Variants in KIAA0825 observed in about 807,000 individuals in gnomAD.
KIAA0825 encodes uncharacterized protein KIAA0825.
In KIAA0825, 119 loss-of-function variants were observed where a neutral mutation model predicts 147.6. That is an observed-to-expected ratio of 0.81 (90% CI 0.69 to 0.94). The LOEUF is 0.94. Ranked by LOEUF, KIAA0825 falls within the 40% of genes least tolerant of loss-of-function variation. The pLI, the probability that KIAA0825 is intolerant of heterozygous loss-of-function variation, is 0.00. For synonymous variants in KIAA0825, 470 were observed against 518.1 expected (o/e 0.91, Z 1.26); for missense variants, 1,381 against 1,472.7 (o/e 0.94, Z 1.02).
rs993995865 is a variant in KIAA0825, at chr5:94,277,608, T to C, written c.3710+106760A>G. Among the ~76,000 whole-genome samples, 25 of 151,978 alleles carry C rather than the reference T, an allele frequency of 1.6e-4. 1 individual carries two copies. Among genetic ancestry groups the C allele is most frequent in the African/African-American group, 6.0e-4 (25 of 41,466 alleles). On this transcript the variant is annotated intron_variant, in intron 20 of 20. Transcript: ENST00000682413. ...TGATCATTAAAAACTCAGGAAACAA[T>C]AGATGCTGGAGAGGATGTGGAGAAA...
chr5:94,324,891 A>C (rs1780531359), intron 20 of KIAA0825, among the ~76,000 whole-genome samples: 1 of 151,954 alleles, frequency 6.6e-6, no homozygotes, highest in African/African-American at 2.4e-5. Context: ...GAAAGCACTT[A>C]TATTTGGCCG....
chr5:94,592,978 A>G lies in KIAA0825; in HGVS notation c.-152-10395T>C, dbSNP rs1784615966. On this transcript the variant is annotated intron_variant, in intron 1 of 20. Transcript: ENST00000682413. ...ACTTTCAGAAAAACAAGTGGGATGT[A>G]CATTTAATATACTTTGGAAGCTTCA... The G allele has an allele frequency of 8.5e-6, 5 of 587,988 alleles. No individual in the cohort carries two copies. The East Asian group carries it at 1.6e-4, about 19-fold the overall frequency. The allele number at this position is 587,988 out of a possible 1,614,324, so 36.4% of individuals were successfully genotyped here.
intron 20 of KIAA0825, among the ~76,000 whole-genome samples, chr5:94,218,993 T>C (rs1773443118): frequency 6.6e-6 from 1 of 152,194 alleles, no homozygotes; most frequent in Non-Finnish European, 1.5e-5. Context: ...CTAAGCTTTA[T>C]GTATATTAGA....
chr5:94,407,207 G>A lies in KIAA0825; in HGVS notation c.2663-3414C>T, dbSNP rs567408458. ...CACATACCAAGAAAGCCCTGAGAAA[G>A]CGCTAATCTCTCACCTCTGACTAAT... On this transcript the variant is annotated intron_variant, in intron 15 of 20. Coordinates refer to ENST00000682413, the MANE Select transcript of KIAA0825 (RefSeq NM_001145678.3). Among the ~76,000 whole-genome samples the A allele has an allele frequency of 9.2e-5, 14 of 152,276 alleles. No homozygotes were observed. In the South Asian group the frequency reaches 2.5e-3, roughly 27 times the overall value.
At chr5:94,338,447 G>A (rs1289958445) in intron 20 of KIAA0825, among the ~76,000 whole-genome samples, 3 of 152,166 alleles carry the variant, frequency 2.0e-5, no homozygotes, top group Non-Finnish European at 4.4e-5. Context: ...GTGTGGGTGT[G>A]TGTGTATACT....
chr5:94,565,844 T>C (rs1778611743), intron 2 of KIAA0825, among the ~76,000 whole-genome samples: 1 of 152,230 alleles, frequency 6.6e-6, no homozygotes, highest in East Asian at 1.9e-4. Context: ...TGAATCAAGC[T>C]AATTAACATA....
chr5:94,268,739 G>C (rs1313436581), intron 20 of KIAA0825, among the ~76,000 whole-genome samples: 1 of 152,112 alleles, frequency 6.6e-6, no homozygotes, highest in East Asian at 1.9e-4. Context: ...TACTCTGATG[G>C]ATAAATGGCA....
At chr5:94,189,941 CT>C (rs777841884) in intron 20 of KIAA0825, among the ~76,000 whole-genome samples, 1 of 152,204 alleles carries the variant, frequency 6.6e-6, no homozygotes, top group East Asian at 1.9e-4. Flanking sequence ...TTACCTTTTA[CT>C]TTTTTTGCAA....
At chr5:94,469,938 G>C in intron 10 of KIAA0825, 23 bp downstream of exon 10, 1 of 1,524,140 alleles carries the variant, frequency 6.6e-7, no homozygotes, top group Non-Finnish European at 8.8e-7. Context: ...TAAAAAGGAG[G>C]GATAGTAAAC....
chr5:94,587,970 C>T (rs1783625711), intron 1 of KIAA0825, among the ~76,000 whole-genome samples: 1 of 152,142 alleles, frequency 6.6e-6, no homozygotes, highest in Non-Finnish European at 1.5e-5. Flanking sequence ...ATAAATGGTG[C>T]TGGGAAAACT....
chr5:94,489,887 CAAAAAAA>C (rs747717616), intron 5 of KIAA0825, among the ~76,000 whole-genome samples: 8 of 58,162 alleles, frequency 1.4e-4, no homozygotes, highest in Admixed American at 3.7e-4. Flanking sequence ...GACTCTGTCT[CAAAAAAA>C]AAAAAAAAAA....
intron 5 of KIAA0825, among the ~76,000 whole-genome samples, chr5:94,501,431 G>A (rs966412407): frequency 1.3e-5 from 2 of 152,178 alleles, no homozygotes; most frequent in Non-Finnish European, 2.9e-5. Flanking sequence ...ACTCCTAGAA[G>A]AAAAACAACC....
At chr5:94,234,831 C>T (rs747710565) in intron 20 of KIAA0825, among the ~76,000 whole-genome samples, 31 of 152,092 alleles carry the variant, frequency 2.0e-4, no homozygotes, top group African/African-American at 4.8e-4. Flanking sequence ...GATTACAATT[C>T]GACATGAGAT....
intron 13 of KIAA0825, among the ~76,000 whole-genome samples, chr5:94,447,618 G>C (rs546653807): frequency 2.6e-5 from 4 of 152,216 alleles, no homozygotes; most frequent in Admixed American, 2.6e-4. Flanking sequence ...GCCTTACATG[G>C]AGAACATTTT....
chr5:94,209,865 C>T (rs1163237055), intron 20 of KIAA0825, among the ~76,000 whole-genome samples: 2 of 152,104 alleles, frequency 1.3e-5, no homozygotes, highest in Non-Finnish European at 2.9e-5. Flanking sequence ...TGCTGGAATG[C>T]CTGGGCTGGT....
intron 20 of KIAA0825, among the ~76,000 whole-genome samples, chr5:94,213,924 C>T (rs935898281): frequency 2.6e-4 from 40 of 152,322 alleles, no homozygotes; most frequent in African/African-American, 8.7e-4. Flanking sequence ...TGTCCATGCA[C>T]ACTACTTTAG....
rs957727424 is a variant in KIAA0825 at position 94,150,855 on chromosome 5, A to G, written c.*3152T>C. Among the ~76,000 whole-genome samples the G allele has an allele frequency of 6.6e-6, 1 of 152,184 alleles. No individual in the cohort carries two copies. The highest frequency in any genetic ancestry group is 2.4e-5 in the African/African-American group (1 of 41,458). On this transcript the variant is annotated 3_prime_UTR_variant, in exon 21 of 21. Transcript: ENST00000682413. ...ATGACAAAAATATAAAATATCTGAA[A>G]TAGACAATATTCTTTATAATTTATT... is the stretch of plus-strand genomic sequence containing the variant.
intron 20 of KIAA0825, among the ~76,000 whole-genome samples, chr5:94,181,864 G>A (rs371491007): frequency 2.6e-5 from 4 of 152,090 alleles, no homozygotes; most frequent in Non-Finnish European, 5.9e-5. Context: ...ACTTAGTGTG[G>A]GATAAATTAT....
chr5:94,297,919 T>G (rs1398312881), intron 20 of KIAA0825, among the ~76,000 whole-genome samples: 1 of 150,884 alleles, frequency 6.6e-6, no homozygotes, highest in Non-Finnish European at 1.5e-5. Flanking sequence ...TATTTTCAGT[T>G]TATTATTATT....
Sources: gnomAD v4.1 joint callset for allele counts (sites outside exome capture counted in the v4.1 genomes callset) on GRCh38, gnomAD v4.1.1 for gene constraint, MANE v1.5 for transcripts, NCBI Gene and HGNC (gene_info 2026-07-23, HGNC 2026-07-21) for gene names.